The following HOMER2 variants were observed in gnomAD, a reference collection of about 807,000 sequenced individuals.
The protein encoded by HOMER2 is homer protein homolog 2.
A neutral mutation model predicts 47.0 loss-of-function variants in HOMER2; 27 were observed. The ratio of observed to expected loss-of-function variants is 0.57; its 90% CI spans 0.42 to 0.79. The LOEUF is 0.79. Ranked by LOEUF, HOMER2 falls within the 30% of genes least tolerant of loss-of-function variation. HOMER2 has a pLI of 0.00. For synonymous variants in HOMER2, 161 were observed against 163.8 expected (o/e 0.98, Z 0.13); for missense variants, 443 against 435.0 (o/e 1.02, Z -0.16).
chr15:82,962,352 G>A (rs1199034784), intron 1 of HOMER2, among the ~76,000 whole-genome samples: 2 of 140,808 alleles, frequency 1.4e-5, no homozygotes, highest in South Asian at 2.3e-4. Context: ...GCGACAGAGC[G>A]AGACTCCGTC....
intron 1 of HOMER2, among the ~76,000 whole-genome samples, chr15:82,893,833 C>A (rs2052810609): frequency 6.6e-6 from 1 of 152,090 alleles, no homozygotes; most frequent in Non-Finnish European, 1.5e-5. Flanking sequence ...CTCTGTGTTG[C>A]CCAGGCTAGT....
At position 82,910,352 on chromosome 15, in the gene HOMER2, G is replaced by A. The variant is rs150335906; in HGVS notation, c.6-17511C>T. Reference sequence around the variant, plus strand: ...AGAAGTTTTATTAGAAAGAAGGAACGCTGCCGAGGAGTCCAGTGGGGTGAG... The same window carrying A: ...AGAAGTTTTATTAGAAAGAAGGAACACTGCCGAGGAGTCCAGTGGGGTGAG... On this transcript the variant is annotated intron_variant, in intron 1 of 8. Coordinates refer to ENST00000450735, the MANE Select transcript of HOMER2 (RefSeq NM_004839.4). Among the ~76,000 whole-genome samples, 213 of 152,168 alleles carry A rather than the reference G, an allele frequency of 1.4e-3. 2 individuals are homozygous for A. In the Middle Eastern group the frequency reaches 0.02, roughly 15 times the overall value.
At chr15:82,867,467 G>A (rs1426446646) in intron 3 of HOMER2, among the ~76,000 whole-genome samples, 1 of 151,704 alleles carries the variant, frequency 6.6e-6, no homozygotes, top group Non-Finnish European at 1.5e-5. Flanking sequence ...CTTTAGTATG[G>A]CAAGAGTTTG....
At chr15:82,912,624 G>A (rs754129465) in intron 1 of HOMER2, among the ~76,000 whole-genome samples, 14 of 152,152 alleles carry the variant, frequency 9.2e-5, no homozygotes, top group Non-Finnish European at 1.9e-4. Flanking sequence ...GCATTGTTAA[G>A]TCATAGGATA....
intron 1 of HOMER2, among the ~76,000 whole-genome samples, chr15:82,980,972 G>A (rs1596391530): frequency 2.0e-5 from 3 of 152,210 alleles, no homozygotes; most frequent in Non-Finnish European, 4.4e-5. Context: ...GAGATAGTCT[G>A]AAGAGGATAC....
chr15:82,852,173 T>A lies in HOMER2; in HGVS notation c.731A>T (p.Glu244Val). 2 of 1,613,864 alleles carry A rather than the reference T, an allele frequency of 1.2e-6. No individual in the cohort carries two copies. The highest frequency in any genetic ancestry group is 1.7e-6 in the Non-Finnish European group (2 of 1,179,788). ...KNTQLKRRIE[E>V]LEAELREKET... is the part of the protein sequence containing the mutation. ...CTTTTCTCGGAGCTCTGCCTCCAGC[T>A]CCTCGATCCTCCTCTTCAGCTGCGT... Residue 244 changes from glutamate to valine, a missense_variant, in exon 7 of 9, where the codon GAG becomes GTG. Transcript: ENST00000450735.
intron 3 of HOMER2, 79 bp downstream of exon 3, chr15:82,875,194 C>G: frequency 6.7e-7 from 1 of 1,501,052 alleles, no homozygotes. Flanking sequence ...TCACCAAGGG[C>G]ACATCCCTCG....
At chr15:82,980,920 G>T (rs1379482758) in intron 1 of HOMER2, among the ~76,000 whole-genome samples, 1 of 152,152 alleles carries the variant, frequency 6.6e-6, no homozygotes, top group Admixed American at 6.5e-5. Context: ...CAGATGTGGA[G>T]TATTCTTTGT....
At chr15:82,855,103 G>A (rs1169017680) in intron 5 of HOMER2, among the ~76,000 whole-genome samples, 2 of 152,022 alleles carry the variant, frequency 1.3e-5, no homozygotes, top group African/African-American at 2.4e-5. Flanking sequence ...TTGGGAGGCC[G>A]AGGCGGGCGG....
rs1170405282 is a variant in HOMER2, at chr15:82,921,148, T to A, written c.6-28307A>T. Among the ~76,000 whole-genome samples, 6 of 151,868 alleles carry A rather than the reference T, an allele frequency of 4.0e-5. No individual in the cohort carries two copies. In the East Asian group the frequency reaches 1.2e-3, roughly 29 times the overall value. ...CATCTCTACAAAAAATACAAAAAAT[T>A]AACCAGGTGTGGTGGCACACACCTG... On this transcript the variant is annotated intron_variant, in intron 1 of 8. Transcript: ENST00000450735.
Position 82,854,746 on chromosome 15 carries a change from A to G in HOMER2, c.549T>C (p.Asn183=). The G allele has an allele frequency of 3.1e-6, 5 of 1,612,302 alleles. No individual in the cohort carries two copies. The highest frequency in any genetic ancestry group is 3.4e-6 in the Non-Finnish European group (4 of 1,179,840). The change falls in exon 6 of 9, where the codon AAT becomes AAC. Residue 183 remains asparagine (N), a synonymous_variant. Coordinates refer to ENST00000450735, the MANE Select transcript of HOMER2 (RefSeq NM_004839.4). ...EIELQTLRES[N]ARLTTALQES... The stretch of plus-strand genomic sequence containing the variant: ...CCTGCAGTGCTGTGGTCAGCCGTGC[A>G]TTGCTCTCCCGAAGGGTCTGCAGCT...
At chr15:82,895,711 T>C (rs2052888231) in intron 1 of HOMER2, among the ~76,000 whole-genome samples, 1 of 152,168 alleles carries the variant, frequency 6.6e-6, no homozygotes, top group African/African-American at 2.4e-5. Flanking sequence ...CTTTCAGATC[T>C]TCCCTCCTAT....
At position 82,851,164 on chromosome 15, in the gene HOMER2, G is replaced by T; in HGVS notation, c.830C>A (p.Ser277Tyr). The change falls in exon 8 of 9, where the codon TCT becomes TAT. Residue 277 changes from serine (S) to tyrosine (Y), a missense_variant. Ser to Tyr is a moderately radical substitution (Grantham distance 144). Transcript: ENST00000450735. Reference sequence around the variant, plus strand: ...CAACCCACGTACCTCTAGCTTCTCAGAGACATATTCGCACTCTGACATGAG... The same window carrying T: ...CAACCCACGTACCTCTAGCTTCTCATAGACATATTCGCACTCTGACATGAG... ...PQLMSECEYV[S>Y]EKLEAAERDN... 6.3e-7 allele frequency: 1 copy of T among 1,580,656 alleles called. No homozygotes were observed. Among genetic ancestry groups the T allele is most frequent in the Non-Finnish European group, 8.6e-7 (1 of 1,161,438 alleles).
Position 82,851,146 on chromosome 15 carries a change from C to T in HOMER2, c.843+5G>A, listed in dbSNP as rs914697121. On this transcript the variant is annotated splice_donor_5th_base_variant and intron_variant, in intron 8 of 8. Coordinates refer to ENST00000450735, the MANE Select transcript of HOMER2 (RefSeq NM_004839.4). Reference sequence around the variant, plus strand: ...CCAGGATGGCTGTGCCCCCAACCCACGTACCTCTAGCTTCTCAGAGACATA... The same window carrying T: ...CCAGGATGGCTGTGCCCCCAACCCATGTACCTCTAGCTTCTCAGAGACATA... 4 of 1,573,892 alleles carry T rather than the reference C, an allele frequency of 2.5e-6. No individual in the cohort carries two copies. The highest frequency in any genetic ancestry group is 3.5e-6 in the Non-Finnish European group (4 of 1,156,286).
downstream of HOMER2, among the ~76,000 whole-genome samples, chr15:82,957,965 G>A (rs545934438): frequency 1.3e-5 from 2 of 152,292 alleles, no homozygotes; most frequent in Non-Finnish European, 2.9e-5. Context: ...AGCCTCCCAA[G>A]TAGCTCGGAT....
downstream of HOMER2, chr15:82,836,177 CCTG>C (rs1020592191): frequency 3.3e-5 from 5 of 152,294 alleles, no homozygotes; most frequent in African/African-American, 1.2e-4. Context: ...TCTCCCTTTT[CCTG>C]CTTTTTCCAG....
intron 1 of HOMER2, among the ~76,000 whole-genome samples, chr15:82,945,938 C>T (rs2054369995): frequency 6.6e-6 from 1 of 151,468 alleles, no homozygotes; most frequent in Non-Finnish European, 1.5e-5. Context: ...CCACTGCACT[C>T]CAGCATGGGC....
In HOMER2 at chr15:82,852,135, TACTC is replaced by T; in HGVS notation, c.762+3_762+6del. ...CAAGGGGCCCTGCTCGGAGCACCAT[TACTC>T]ACTGTCTCCTTTTCTCGGAGCTCTG... On this transcript the variant is annotated splice_donor_5th_base_variant and intron_variant, in intron 7 of 8. Transcript: ENST00000450735. The T allele has an allele frequency of 1.2e-6, 2 of 1,604,868 alleles. No individual in the cohort carries two copies. The highest frequency in any genetic ancestry group is 1.7e-6 in the Non-Finnish European group (2 of 1,171,688).
At chr15:82,952,745 CGCTGGGGCGGT>C, upstream of HOMER2, 3 of 976,534 alleles carry the variant, frequency 3.1e-6, no homozygotes, top group Non-Finnish European at 3.6e-6. Flanking sequence ...TGGGCGGCCG[CGCTGGGGCGGT>C]GCCCGCCCCG....
Sources: allele counts gnomAD v4.1 joint callset (sites outside exome capture counted in the v4.1 genomes callset), GRCh38; gene constraint gnomAD v4.1.1; transcripts MANE v1.5; gene names NCBI Gene and HGNC (gene_info 2026-07-23, HGNC 2026-07-21).